Variants in RARG observed in about 807,000 individuals in gnomAD.
The protein encoded by RARG is RAR-gamma.
A neutral mutation model predicts 43.7 loss-of-function variants in RARG; 17 were observed. The ratio of observed to expected loss-of-function variants is 0.39; its 90% CI spans 0.27 to 0.58. The LOEUF (loss-of-function observed/expected upper bound fraction) is 0.58, where lower values mean the gene tolerates loss of function less well. RARG is among the 20% of genes least tolerant of loss of function. RARG has a pLI of 0.57. For synonymous variants in RARG, 238 were observed against 236.4 expected (o/e 1.01, Z -0.06); for missense variants, 346 against 598.7 (o/e 0.58, Z 4.40).
chr12:53,228,658 C>T (rs2120736148), intron 2 of RARG, among the ~76,000 whole-genome samples: 1 of 152,312 alleles, frequency 6.6e-6, no homozygotes, highest in South Asian at 2.1e-4. Context: ...GGAGCTGCTT[C>T]TTGGTCAGCT....
At position 53,231,200 on chromosome 12, in the gene RARG, A is replaced by C. The variant is rs1398868505; in HGVS notation, c.-174T>G. On this transcript the variant is annotated 5_prime_UTR_variant, in exon 2 of 10. An upstream start codon of the reference 5' UTR is lost. Coordinates refer to ENST00000425354, the MANE Select transcript of RARG (RefSeq NM_000966.6). ...GCCGCCTGCAGAGACTGGCTTCTAC[A>C]TACTGGGTCAGGTTGAGGGAACTGG... 6.6e-6 allele frequency: 1 copy of C among 152,328 alleles called. No homozygotes were observed. The highest frequency in any genetic ancestry group is 1.5e-5 in the Non-Finnish European group (1 of 68,130). The allele number at this position is 152,328 out of a possible 1,614,324, so 9.4% of individuals were successfully genotyped here.
intron 3 of RARG, among the ~76,000 whole-genome samples, chr12:53,218,736 G>T (rs1161234629): frequency 1.3e-5 from 2 of 151,652 alleles, no homozygotes; most frequent in Admixed American, 1.3e-4. Context: ...GCCAAGGAGC[G>T]AGGCGCGTTG....
In RARG at chr12:53,215,586, G is replaced by C. The variant is rs1942737183; in HGVS notation, c.333+60C>G. On this transcript the variant is annotated intron_variant, in intron 4 of 9. Coordinates refer to ENST00000425354, the MANE Select transcript of RARG (RefSeq NM_000966.6). This position sits in a 1 kb window ranked among gnomAD's most constrained non-coding sequence, Gnocchi z 6.4. ...CTCAGACACAGCATCTGTGTGCCTG[G>C]TCTCTCATCTTACTAGGGTAACTGG... The C allele has an allele frequency of 6.3e-7, 1 of 1,587,578 alleles. No individual in the cohort carries two copies. The highest frequency in any genetic ancestry group is 8.6e-7 in the Non-Finnish European group (1 of 1,163,362).
chr12:53,231,077 A>C (rs1164057832), intron 2 of RARG, 92 bp downstream of exon 2: 1 of 152,262 alleles, frequency 6.6e-6, no homozygotes, highest in Non-Finnish European at 1.5e-5. Context: ...CAGAGCCCTA[A>C]AGCGGGACAG....
At chr12:53,230,093 G>A in intron 2 of RARG, 1 of 577,078 alleles carries the variant, frequency 1.7e-6, no homozygotes, top group Non-Finnish European at 2.2e-6. Flanking sequence ...CAGGGTAGGA[G>A]AATGGACTAA....
rs1942736788 is a variant in RARG at position 53,215,574 on chromosome 12, T to A, written c.333+72A>T. The A allele has an allele frequency of 1.3e-6, 2 of 1,582,842 alleles. No homozygotes were observed. Among genetic ancestry groups the A allele is most frequent in the Non-Finnish European group, 1.7e-6 (2 of 1,159,652 alleles). ...AAAGCAGTGCTGCTCAGACACAGCA[T>A]CTGTGTGCCTGGTCTCTCATCTTAC... On this transcript the variant is annotated intron_variant, in intron 4 of 9. Transcript: ENST00000425354. The surrounding 1 kb of genome is among the most constrained non-coding windows in gnomAD (Gnocchi z 6.4).
chr12:53,223,522 C>T (rs1199920760), intron 3 of RARG, among the ~76,000 whole-genome samples: 1 of 136,772 alleles, frequency 7.3e-6, no homozygotes, highest in Non-Finnish European at 1.5e-5. Context: ...CGGCTCCCCC[C>T]GCCCCCCCCC....
In RARG at chr12:53,215,128, C is replaced by T. The variant is rs1942725639; in HGVS notation, c.475+165G>A. 6.6e-6 allele frequency among the ~76,000 whole-genome samples: 1 copy of T among 152,104 alleles called. No homozygotes were observed. The highest frequency in any genetic ancestry group is 2.1e-4 in the South Asian group (1 of 4,834). On this transcript the variant is annotated intron_variant, in intron 5 of 9. Transcript: ENST00000425354. The surrounding 1 kb of genome is among the most constrained non-coding windows in gnomAD (Gnocchi z 6.4). ...GGAGAATGGGAAATGGTGGGGCCTC[C>T]TGGTTGAATGGAGCTAATCAAATAA...
chr12:53,221,353 C>A (rs1413030862), intron 3 of RARG, among the ~76,000 whole-genome samples: 5 of 152,164 alleles, frequency 3.3e-5, no homozygotes, highest in Non-Finnish European at 7.4e-5. Flanking sequence ...CAAAACTACC[C>A]CATAAGCTGT....
At chr12:53,230,832 A>AGT (rs1943216600) in intron 2 of RARG, among the ~76,000 whole-genome samples, 2 of 138,846 alleles carry the variant, frequency 1.4e-5, no homozygotes, top group East Asian at 2.2e-4. Context: ...TGTAGGCCAC[A>AGT]GTGCGTGTGT....
Position 53,211,948 on chromosome 12 carries a change from C to T in RARG, c.1178-85G>A. Reference sequence around the variant, plus strand: ...CATCTCCCTAACCTTTCTCAACTGCCCCTGACTCCCCTAGGGGGCGCCCAG... The same window carrying T: ...CATCTCCCTAACCTTTCTCAACTGCTCCTGACTCCCCTAGGGGGCGCCCAG... On this transcript the variant is annotated intron_variant, in intron 9 of 9. Coordinates refer to ENST00000425354, the MANE Select transcript of RARG (RefSeq NM_000966.6). This position sits in a 1 kb window ranked among gnomAD's most constrained non-coding sequence, Gnocchi z 4.6. The T allele has an allele frequency of 8.8e-7, 1 of 1,130,206 alleles. No individual in the cohort carries two copies. The highest frequency in any genetic ancestry group is 1.2e-6 in the Non-Finnish European group (1 of 859,890). The allele number at this position is 1,130,206 out of a possible 1,614,324, so 70.0% of individuals were successfully genotyped here. A position where few individuals can be genotyped will look rare whatever the true frequency, so the allele number is the denominator to read the frequency against.
At chr12:53,221,693 C>T (rs552730411) in intron 3 of RARG, among the ~76,000 whole-genome samples, 2,204 of 151,388 alleles carry the variant, frequency 0.015, 33 homozygotes, top group African/African-American at 0.042. Context: ...GGACCCTGGC[C>T]CCGGACAGCG....
At chr12:53,230,449 T>A (rs529642457) in intron 2 of RARG, among the ~76,000 whole-genome samples, 1 of 152,068 alleles carries the variant, frequency 6.6e-6, no homozygotes, top group African/African-American at 2.4e-5. Context: ...CACGACCACC[T>A]TTTTCCATGA....
intron 9 of RARG, among the ~76,000 whole-genome samples, chr12:53,212,737 T>TAC (rs1160084920): frequency 0.022 from 2,918 of 133,750 alleles, 35 homozygotes; most frequent in African/African-American, 0.024. Context: ...AATATATATA[T>TAC]ACACACACAC....
chr12:53,214,382 A>G (rs1942697615), intron 6 of RARG, 64 bp downstream of exon 6: 4 of 1,577,978 alleles, frequency 2.5e-6, no homozygotes, highest in Non-Finnish European at 3.5e-6. Context: ...CCTCCAACAC[A>G]ACCCAGCCCC....
At position 53,212,977 on chromosome 12, in the gene RARG, T is replaced by C. The variant is rs914445954; in HGVS notation, c.1177+108A>G. 3.8e-6 allele frequency: 5 copies of C among 1,326,228 alleles called. 1 individual carries two copies. Among genetic ancestry groups the C allele is most frequent in the South Asian group, 3.0e-5 (2 of 67,628 alleles). The allele number at this position is 1,326,228 out of a possible 1,614,324, so 82.2% of individuals were successfully genotyped here. On this transcript the variant is annotated intron_variant, in intron 9 of 9. Transcript: ENST00000425354. ...GGCAGAGCTAGGATTCCAGTGTAGA[T>C]TGCCTGGTTCTCAACTACTCTGTTC...
At position 53,217,430 on chromosome 12, in the gene RARG, C is replaced by T. The variant is rs192977626; in HGVS notation, c.185-1636G>A. On this transcript the variant is annotated intron_variant, in intron 3 of 9. Coordinates refer to ENST00000425354, the MANE Select transcript of RARG (RefSeq NM_000966.6). ...CTCTGGCACTGACGCCCTCCCTGCC[C>T]GCAGAGCGCTGCCTCATTTCCTCTC... Among the ~76,000 whole-genome samples, 196 of 152,332 alleles carry T rather than the reference C, an allele frequency of 1.3e-3. 2 individuals carry two copies. Among genetic ancestry groups the T allele is most frequent in the South Asian group, 2.1e-3 (10 of 4,830 alleles).
chr12:53,231,962 C>G lies in RARG; in HGVS notation c.-210+12G>C. On this transcript the variant is annotated intron_variant, in intron 1 of 9. Transcript: ENST00000425354. ...GACGGGGCGGGCGAGCCTGCTTCCC[C>G]GCCTGACTCACCTGGAGTGGGAGGG... The G allele has an allele frequency of 2.5e-6, 1 of 396,074 alleles. No individual in the cohort carries two copies. 24.5% of individuals were successfully genotyped at this position (396,074 alleles called of 1,614,324 possible).
At chr12:53,229,062 C>T (rs1230692147) in intron 2 of RARG, among the ~76,000 whole-genome samples, 1 of 152,044 alleles carries the variant, frequency 6.6e-6, no homozygotes, top group African/African-American at 2.4e-5. Flanking sequence ...ATCTTCATCC[C>T]CTGACAAAGG....
Sources: gnomAD v4.1 joint callset for allele counts (sites outside exome capture counted in the v4.1 genomes callset) on GRCh38, gnomAD v4.1.1 for gene constraint, Gnocchi (gnomAD v3.1) non-coding constraint, MANE v1.5 for transcripts, NCBI Gene and HGNC (gene_info 2026-07-23, HGNC 2026-07-21) for gene names.